The following CIT variants were observed in gnomAD, a reference collection of about 807,000 sequenced individuals.
The protein encoded by CIT is citron rho-interacting serine/threonine kinase, also known as citron Rho-interacting kinase.
A neutral mutation model predicts 272.7 loss-of-function variants in CIT; 79 were observed. The observed-to-expected ratio is 0.29, with a 90% CI of 0.24 to 0.35. The LOEUF (loss-of-function observed/expected upper bound fraction) is 0.35, where lower values mean the gene tolerates loss of function less well. Ranked by LOEUF, CIT falls within the 10% of genes least tolerant of loss-of-function variation. The probability of loss-of-function intolerance (pLI) is 1.00; values close to 1 mark genes in which losing one functional copy is unlikely to be tolerated. For missense variants in CIT, 1,909 were observed against 2,618.3 expected (o/e 0.73, Z 5.91); for synonymous variants, 948 against 995.6 (o/e 0.95, Z 0.90).
chr12:119,832,900 A>C, intron 6 of CIT, 36 bp from the exon 7 acceptor site: 4 of 1,498,720 alleles, frequency 2.7e-6, no homozygotes. Context: ...TGCCTCCTCC[A>C]TCCCAATCAG....
rs373954581 is a variant in CIT at position 119,737,495 on chromosome 12, G to A, written c.2959-2138C>T. ...ACGAAAAAAATGCAATTTATCATTT[G>A]TGATGGTAGCCCATTTCTGCCACCT... is the stretch of plus-strand genomic sequence containing the variant. On this transcript the variant is annotated intron_variant, in intron 24 of 47. Coordinates refer to ENST00000392521, the MANE Select transcript of CIT (RefSeq NM_001206999.2). Among the ~76,000 whole-genome samples, 3 of 152,010 alleles carry A rather than the reference G, an allele frequency of 2.0e-5. No homozygotes were observed. In the East Asian group the frequency reaches 5.8e-4, roughly 29 times the overall value.
chr12:119,802,903 C>G (rs113650737), intron 10 of CIT, among the ~76,000 whole-genome samples: 160 of 152,316 alleles, frequency 1.1e-3, no homozygotes, highest in African/African-American at 3.7e-3. Context: ...ATCTGCACTG[C>G]TGGAAATCTC....
chr12:119,868,214 T>C (rs1950569290), intron 3 of CIT, among the ~76,000 whole-genome samples: 1 of 152,142 alleles, frequency 6.6e-6, no homozygotes, highest in Non-Finnish European at 1.5e-5. Context: ...AGGGCAAGAC[T>C]CTGTCTCCAA....
intron 10 of CIT, among the ~76,000 whole-genome samples, chr12:119,802,133 C>T (rs1010629136): frequency 2.0e-5 from 3 of 152,168 alleles, no homozygotes; most frequent in South Asian, 4.1e-4. Context: ...GGGAAAGATG[C>T]TGCCAAGAAG....
In CIT at chr12:119,704,427, G is replaced by A. The variant is rs1322149586; in HGVS notation, c.5240C>T (p.Ala1747Val). ...KIENGLCICA[A>V]MPSKVVILRY... ...GAGAATGACGACTTTGCTGGGCATG[G>A]CTGCACAGATGCAGAGCCCGTTCTC... is the stretch of plus-strand genomic sequence containing the variant. The change falls in exon 41 of 48, where the codon GCC becomes GTC. Residue 1747 changes from alanine (A) to valine (V), a missense_variant. Ala to Val is a moderately conservative substitution (Grantham distance 64). Coordinates refer to ENST00000392521, the MANE Select transcript of CIT (RefSeq NM_001206999.2). The A allele has an allele frequency of 6.2e-7, 1 of 1,613,850 alleles. No individual in the cohort carries two copies. Among genetic ancestry groups the A allele is most frequent in the Non-Finnish European group, 8.5e-7 (1 of 1,179,876 alleles).
chr12:119,771,147 C>T (rs549934458), intron 17 of CIT, among the ~76,000 whole-genome samples: 3 of 152,264 alleles, frequency 2.0e-5, no homozygotes, highest in African/African-American at 7.2e-5. Flanking sequence ...CTGCAAAGTG[C>T]CACCTAGGCA....
At chr12:119,738,521 A>G (rs1253161823) in intron 24 of CIT, among the ~76,000 whole-genome samples, 3 of 152,214 alleles carry the variant, frequency 2.0e-5, no homozygotes, top group African/African-American at 7.2e-5. Flanking sequence ...AGGCGCCAGC[A>G]GAGCTTTCTT....
At chr12:119,795,488 A>G (rs896249012) in intron 10 of CIT, among the ~76,000 whole-genome samples, 7 of 152,140 alleles carry the variant, frequency 4.6e-5, no homozygotes, top group Admixed American at 3.9e-4. Context: ...CATGATCATC[A>G]TTTTCTCTAT....
chr12:119,874,468 T>C (rs1323874548), intron 2 of CIT, among the ~76,000 whole-genome samples: 1 of 152,184 alleles, frequency 6.6e-6, no homozygotes, highest in African/African-American at 2.4e-5. Flanking sequence ...ATGGTCTCTA[T>C]TGTCCCCCTG....
At chr12:119,812,628 G>A (rs1305184802) in intron 9 of CIT, among the ~76,000 whole-genome samples, 1 of 151,588 alleles carries the variant, frequency 6.6e-6, no homozygotes. Context: ...ATTATTTTTT[G>A]GTAGAGACAG....
At chr12:119,858,394 G>A (rs1036616353) in intron 3 of CIT, among the ~76,000 whole-genome samples, 8 of 151,994 alleles carry the variant, frequency 5.3e-5, no homozygotes, top group African/African-American at 1.9e-4. Flanking sequence ...GTGCACGCCT[G>A]TAATTCCACC....
intron 32 of CIT, among the ~76,000 whole-genome samples, chr12:119,715,692 G>A (rs1313489116): frequency 6.6e-6 from 1 of 152,166 alleles, no homozygotes; most frequent in Non-Finnish European, 1.5e-5. Flanking sequence ...TGTACGGTAT[G>A]CAAATTACAT....
chr12:119,757,659 T>A, intron 21 of CIT, 114 bp from the exon 22 acceptor site: 1 of 1,328,106 alleles, frequency 7.5e-7, no homozygotes, highest in Non-Finnish European at 1.0e-6. Context: ...CTAAGTGGAC[T>A]AGGGCCATTC....
At chr12:119,702,277 C>A (rs1027583268) in intron 41 of CIT, among the ~76,000 whole-genome samples, 3 of 149,858 alleles carry the variant, frequency 2.0e-5, no homozygotes, top group Non-Finnish European at 3.0e-5. Context: ...CCCCATTCAC[C>A]TTTCATGCCT....
chr12:119,689,190 AAAACAAACAAAC>A (rs72404312), intron 47 of CIT, among the ~76,000 whole-genome samples: 57 of 149,926 alleles, frequency 3.8e-4, no homozygotes, highest in African/African-American at 1.2e-3. Flanking sequence ...AAAACAAAAC[AAAACAAACAAAC>A]AAACAAACAA....
intron 26 of CIT, among the ~76,000 whole-genome samples, chr12:119,733,416 C>T (rs933523474): frequency 6.2e-5 from 9 of 145,740 alleles, no homozygotes; most frequent in Admixed American, 1.4e-4. Context: ...CACCTGTATT[C>T]CCAGCTACTT....
chr12:119,802,759 G>A (rs1966302864), intron 10 of CIT, among the ~76,000 whole-genome samples: 1 of 152,206 alleles, frequency 6.6e-6, no homozygotes, highest in Non-Finnish European at 1.5e-5. Flanking sequence ...TCTAGCTTAT[G>A]AGACAAGGTT....
At chr12:119,787,510 T>C (rs1019267975) in intron 10 of CIT, among the ~76,000 whole-genome samples, 3 of 150,860 alleles carry the variant, frequency 2.0e-5, no homozygotes, top group African/African-American at 7.3e-5. Context: ...GGCAAGCGGA[T>C]CACGAGGTCA....
chr12:119,700,025 C>T (rs1593387092), intron 44 of CIT: 3 of 416,052 alleles, frequency 7.2e-6, no homozygotes, highest in Admixed American at 2.5e-5. Context: ...GGATGTTCAT[C>T]GTAGTGTTGT....
Sources: allele counts gnomAD v4.1 joint callset (sites outside exome capture counted in the v4.1 genomes callset), GRCh38; gene constraint gnomAD v4.1.1; transcripts MANE v1.5; gene names NCBI Gene and HGNC (gene_info 2026-07-23, HGNC 2026-07-21).